The following MALRD1 variants were observed in gnomAD, a reference collection of about 807,000 sequenced individuals.
MALRD1 encodes the protein MAM and LDL receptor class A domain containing 1, also known as MAM and LDL-receptor class A domain-containing protein 1.
In MALRD1, 247 loss-of-function variants were observed where a neutral mutation model predicts 242.1. The observed-to-expected ratio is 1.02, with a 90% CI of 0.92 to 1.13. The LOEUF (loss-of-function observed/expected upper bound fraction) is 1.13, where lower values mean the gene tolerates loss of function less well. Among genes scored for constraint, MALRD1 ranks in the 50% most tolerant of loss-of-function variants. MALRD1 has a pLI of 0.00. For missense variants in MALRD1, 2,989 were observed against 2,533.1 expected, an observed-to-expected ratio of 1.18 and a Z score of -3.86; for synonymous variants, 995 against 866.6, an observed-to-expected ratio of 1.15 and a Z score of -2.60.
intron 36 of MALRD1, among the ~76,000 whole-genome samples, chr10:19,653,306 C>T (rs1466465216): frequency 1.3e-5 from 2 of 152,026 alleles, no homozygotes; most frequent in South Asian, 2.1e-4. Context: ...AGGTGATCAT[C>T]GCACCTTAGC....
chr10:19,165,266 T>TATATATATATATATATATATA (rs1554801500), intron 12 of MALRD1, among the ~76,000 whole-genome samples: 110 of 116,046 alleles, frequency 9.5e-4, no homozygotes, highest in African/African-American at 1.2e-3. Flanking sequence ...TATATATATA[T>TATATATATATATATATATATA]TTTGTTTTGT....
Position 19,734,475 on chromosome 10 carries a change from TC to T in MALRD1, c.*239del, listed in dbSNP as rs1835415017. On this transcript the variant is annotated 3_prime_UTR_variant, in exon 40 of 40. Transcript: ENST00000454679. The stretch of plus-strand genomic sequence containing the variant: ...ATATTTTAATAAAATTTCTATTTAA[TC>T]AAGTTTCTTGTTTTTCTTTGATTTT... The T allele has an allele frequency of 3.1e-6, 1 of 325,058 alleles. No individual in the cohort carries two copies. Among genetic ancestry groups the T allele is most frequent in the African/African-American group, 2.2e-5 (1 of 46,486 alleles). The allele number at this position is 325,058 out of a possible 1,614,324, so 20.1% of individuals were successfully genotyped here. A position where few individuals can be genotyped will look rare whatever the true frequency, so the allele number is the denominator to read the frequency against.
At chr10:19,376,514 T>A (rs1845603432) in intron 26 of MALRD1, among the ~76,000 whole-genome samples, 1 of 150,152 alleles carries the variant, frequency 6.7e-6, no homozygotes, top group Non-Finnish European at 1.5e-5. Flanking sequence ...GAGGAAAAAA[T>A]GTTTGAAAGT....
chr10:19,289,720 G>T (rs1156384623), intron 21 of MALRD1, among the ~76,000 whole-genome samples: 6 of 152,002 alleles, frequency 3.9e-5, no homozygotes, highest in African/African-American at 9.7e-5. Flanking sequence ...TCCAAATTTT[G>T]TTTTTTGTGT....
intron 28 of MALRD1, among the ~76,000 whole-genome samples, chr10:19,392,062 T>G (rs1247615728): frequency 6.6e-6 from 1 of 152,230 alleles, no homozygotes; most frequent in Non-Finnish European, 1.5e-5. Flanking sequence ...CATGTGCCAT[T>G]GAACAATAAT....
intron 2 of MALRD1, among the ~76,000 whole-genome samples, chr10:19,069,728 T>TGAAGACACCTAGTAGTGATATCCACAA (rs1835085149): frequency 2.0e-5 from 3 of 151,384 alleles, no homozygotes; most frequent in Non-Finnish European, 4.4e-5. Context: ...CTTCACCTAG[T>TGAAGACACCTAGTAGTGATATCCACAA]TTCTACTGTG....
chr10:19,547,813 TATATA>T (rs1461729356), intron 32 of MALRD1, among the ~76,000 whole-genome samples: 6 of 16,480 alleles, frequency 3.6e-4, no homozygotes, highest in Non-Finnish European at 8.1e-4. Flanking sequence ...TATATATATA[TATATA>T]TTTTTTTTTT....
chr10:19,480,917 T>A (rs918060744), intron 29 of MALRD1, among the ~76,000 whole-genome samples: 1 of 152,288 alleles, frequency 6.6e-6, no homozygotes, highest in Admixed American at 6.5e-5. Flanking sequence ...CAATCAATTG[T>A]TCTAAAATTA....
At chr10:19,355,174 C>T (rs1448754658) in intron 26 of MALRD1, among the ~76,000 whole-genome samples, 1 of 151,972 alleles carries the variant, frequency 6.6e-6, no homozygotes, top group Non-Finnish European at 1.5e-5. Flanking sequence ...AGGGATGGTT[C>T]ATGCACACTG....
chr10:19,712,556 A>G (rs1834177864), intron 38 of MALRD1, among the ~76,000 whole-genome samples: 1 of 152,230 alleles, frequency 6.6e-6, no homozygotes, highest in South Asian at 2.1e-4. Flanking sequence ...TCTAAAAAAT[A>G]GGAAAAAGGA....
At chr10:19,380,549 G>C (rs913811564) in intron 26 of MALRD1, among the ~76,000 whole-genome samples, 1 of 151,814 alleles carries the variant, frequency 6.6e-6, no homozygotes, top group African/African-American at 2.4e-5. Context: ...CCAATTTACT[G>C]TTTCTCTTAA....
intron 19 of MALRD1, among the ~76,000 whole-genome samples, chr10:19,268,001 TTATTTTAA>T (rs1455173978): frequency 6.6e-6 from 1 of 152,166 alleles, no homozygotes; most frequent in Non-Finnish European, 1.5e-5. Flanking sequence ...AATTATTCAC[TTATTTTAA>T]AGTTAAAACT....
At chr10:19,156,945 G>A (rs145749599) in intron 12 of MALRD1, among the ~76,000 whole-genome samples, 7 of 152,132 alleles carry the variant, frequency 4.6e-5, no homozygotes, top group African/African-American at 7.2e-5. Flanking sequence ...CCAAGGCTTC[G>A]ATCTCTAAAG....
At chr10:19,596,040 A>G (rs182358022) in intron 34 of MALRD1, among the ~76,000 whole-genome samples, 17 of 152,256 alleles carry the variant, frequency 1.1e-4, no homozygotes, top group Non-Finnish European at 2.1e-4. Flanking sequence ...AGTGCTGCCA[A>G]TTTCATTTTG....
chr10:19,238,769 T>C (rs578255209), intron 18 of MALRD1, among the ~76,000 whole-genome samples: 17 of 148,496 alleles, frequency 1.1e-4, no homozygotes, highest in African/African-American at 4.2e-4. Flanking sequence ...GTTTTTTTTG[T>C]TTTTTTTTAA....
chr10:19,181,860 G>A (rs923779618), intron 14 of MALRD1, among the ~76,000 whole-genome samples: 2 of 151,906 alleles, frequency 1.3e-5, no homozygotes, highest in African/African-American at 4.8e-5. Context: ...AATAAAATTT[G>A]TTTTAAAAAT....
intron 32 of MALRD1, among the ~76,000 whole-genome samples, chr10:19,566,099 T>C (rs1212301429): frequency 6.6e-6 from 1 of 151,948 alleles, no homozygotes; most frequent in African/African-American, 2.4e-5. Flanking sequence ...TGTTATTCTT[T>C]CCTTTTTATA....
intron 33 of MALRD1, among the ~76,000 whole-genome samples, chr10:19,585,769 G>T (rs537416346): frequency 1.3e-5 from 2 of 151,934 alleles, no homozygotes; most frequent in South Asian, 4.2e-4. Context: ...CTGAATGTTC[G>T]CCTGCCTTGC....
intron 29 of MALRD1, among the ~76,000 whole-genome samples, chr10:19,481,445 T>C (rs141760103): frequency 7.5e-4 from 114 of 152,324 alleles, no homozygotes; most frequent in Non-Finnish European, 1.3e-3. Context: ...TAATATCAAA[T>C]CATTGGCAGT....
Sources: gnomAD v4.1 joint callset for allele counts (sites outside exome capture counted in the v4.1 genomes callset) on GRCh38, gnomAD v4.1.1 for gene constraint, MANE v1.5 for transcripts, NCBI Gene and HGNC (gene_info 2026-07-23, HGNC 2026-07-21) for gene names.